The following DNAH3 variants were observed in gnomAD, a reference collection of about 807,000 sequenced individuals.
DNAH3 encodes the protein dynein axonemal heavy chain 3.
DNAH3 carries 332 observed loss-of-function variants against 432.5 expected under a neutral mutation model. The ratio of observed to expected loss-of-function variants is 0.77; its 90% confidence interval spans 0.70 to 0.84. The LOEUF (loss-of-function observed/expected upper bound fraction) is 0.84, where lower values mean the gene tolerates loss of function less well. Among genes scored for constraint, DNAH3 ranks in the 40% least tolerant of loss-of-function variants. The pLI, the probability that DNAH3 is intolerant of heterozygous loss-of-function variation, is 0.00. For missense variants in DNAH3, 4,861 were observed against 5,114.0 expected (o/e 0.95, Z 1.51); for synonymous variants, 1,956 against 1,900.2 (o/e 1.03, Z -0.76).
intron 59 of DNAH3, among the ~76,000 whole-genome samples, chr16:20,940,647 G>A (rs1197816642): frequency 2.7e-5 from 4 of 150,468 alleles, no homozygotes; most frequent in African/African-American, 9.8e-5. Context: ...GCCCAGGCTG[G>A]TCTTGGACTC....
At position 21,064,860 on chromosome 16, in the gene DNAH3, GGTGTGTGTGTGTGTGTGTGTGTGT is replaced by G. The variant is rs369066790; in HGVS notation, c.3519-2201_3519-2178del. Among the ~76,000 whole-genome samples, 18 of 131,780 alleles carry G rather than the reference GGTGTGTGTGTGTGTGTGTGTGTGT, an allele frequency of 1.4e-4. No individual in the cohort carries two copies. The South Asian group carries it at 4.3e-3, about 31-fold the overall frequency. 86.5% of individuals were successfully genotyped at this position (131,780 alleles called of 152,430 possible). On this transcript the variant is annotated intron_variant, in intron 24 of 61. Coordinates refer to ENST00000261383, the Ensembl canonical transcript of DNAH3. ...ATAAAAATGCATAAATATTGAGGTAGGTGTGTGTGTGTGTGTGTGTGTGTGTGTGTGTGTGTGTGTGTTTAACTT... is the reference window on the plus strand; with the variant it reads ...ATAAAAATGCATAAATATTGAGGTAGGTGTGTGTGTGTGTGTGTTTAACTT...
rs71149201 is a variant in DNAH3, at chr16:20,949,368, C to CAA, written c.11189-733_11189-732dup. Among the ~76,000 whole-genome samples, 572 of 143,614 alleles carry CAA rather than the reference C, an allele frequency of 4.0e-3. 6 individuals carry two copies. Among genetic ancestry groups the CAA allele is most frequent in the African/African-American group, 0.014 (536 of 38,854 alleles). The allele number at this position is 143,614 out of a possible 152,430, so 94.2% of individuals were successfully genotyped here. On this transcript the variant is annotated intron_variant, in intron 56 of 61. Transcript: ENST00000261383. ...AAATAAATATAAATAAAAACAGAAA[C>CAA]AAAAAAAAAGACATTTAAAGAGCGA...
At chr16:21,059,281 T>G (rs901813628) in intron 26 of DNAH3, among the ~76,000 whole-genome samples, 2 of 152,228 alleles carry the variant, frequency 1.3e-5, no homozygotes, top group Non-Finnish European at 2.9e-5. Flanking sequence ...TAGATTTGAT[T>G]TGGATGAAAT....
chr16:20,978,247 T>C (rs557103582), intron 50 of DNAH3, among the ~76,000 whole-genome samples: 1 of 152,224 alleles, frequency 6.6e-6, no homozygotes, highest in African/African-American at 2.4e-5. Flanking sequence ...AGGGACAAGG[T>C]GGCCGGGCGG....
At chr16:21,057,940 TGTCCTCATGG>T in intron 27 of DNAH3, 136 bp downstream of exon 27, 1 of 636,530 alleles carries the variant, frequency 1.6e-6, no homozygotes, top group Non-Finnish European at 2.8e-6. Flanking sequence ...TCCATCCCAC[TGTCCTCATGG>T]GAACCCTGAT....
At chr16:21,121,806 G>T (rs1009833705) in intron 10 of DNAH3, 139 bp downstream of exon 11, 5 of 594,978 alleles carry the variant, frequency 8.4e-6, no homozygotes, top group African/African-American at 1.9e-5. Context: ...GGGTCAAGGG[G>T]TTATATTCAG....
chr16:21,135,731 G>GA (rs1020117463), intron 6 of DNAH3, among the ~76,000 whole-genome samples: 37 of 144,628 alleles, frequency 2.6e-4, no homozygotes, highest in Non-Finnish European at 9.2e-5. Flanking sequence ...TCTCAAAAAA[G>GA]AAAAAAAAAA....
At chr16:20,953,847 C>T (rs537997029) in intron 55 of DNAH3, among the ~76,000 whole-genome samples, 16 of 150,602 alleles carry the variant, frequency 1.1e-4, no homozygotes, top group East Asian at 4.0e-4. Context: ...TCGCCTCAAG[C>T]GATCCTCCCA....
chr16:21,083,169 C>A (rs535700891), intron 19 of DNAH3, among the ~76,000 whole-genome samples: 1 of 152,068 alleles, frequency 6.6e-6, no homozygotes, highest in South Asian at 2.1e-4. Context: ...GCGCATGGCA[C>A]CACGCCCGGC....
At chr16:21,046,040 T>C (rs1448687114) in intron 31 of DNAH3, among the ~76,000 whole-genome samples, 6 of 151,942 alleles carry the variant, frequency 3.9e-5, no homozygotes, top group Non-Finnish European at 8.8e-5. Context: ...GTCTGAGAGA[T>C]AGTTTGTTAT....
intron 53 of DNAH3, among the ~76,000 whole-genome samples, chr16:20,961,757 GTTTTTTT>G (rs753578799): frequency 3.2e-5 from 4 of 123,382 alleles, no homozygotes; most frequent in Non-Finnish European, 5.1e-5. Context: ...TAAATTTCTG[GTTTTTTT>G]TTTTTTTTTT....
rs141230118 is a variant in DNAH3 at position 20,957,918 on chromosome 16, A to G, written c.10826+1261T>C. Among the ~76,000 whole-genome samples the G allele has an allele frequency of 2.1e-4, 31 of 148,920 alleles. 2 individuals are homozygous for G. The East Asian group carries it at 6.4e-3, about 31-fold the overall frequency. On this transcript the variant is annotated intron_variant, in intron 54 of 61. Transcript: ENST00000261383. Reference sequence around the variant, plus strand: ...TTTGGTTCAACTCATTATTTTATGAATGCAAAAACTGAGGTTTAGCTTTGT... The same window carrying G: ...TTTGGTTCAACTCATTATTTTATGAGTGCAAAAACTGAGGTTTAGCTTTGT...
intron 1 of DNAH3, among the ~76,000 whole-genome samples, chr16:21,153,631 C>G (rs993707054): frequency 6.6e-6 from 1 of 152,196 alleles, no homozygotes; most frequent in African/African-American, 2.4e-5. Flanking sequence ...AGCTGTAACA[C>G]TCACGGTGAA....
chr16:21,151,433 G>A (rs1046064419), intron 1 of DNAH3, among the ~76,000 whole-genome samples: 4 of 150,188 alleles, frequency 2.7e-5, no homozygotes, highest in African/African-American at 4.9e-5. Flanking sequence ...CCATTCTCCT[G>A]CCTCAGCCTC....
At chr16:20,967,777 G>T (rs967836896) in intron 52 of DNAH3, among the ~76,000 whole-genome samples, 2 of 151,712 alleles carry the variant, frequency 1.3e-5, no homozygotes, top group African/African-American at 4.8e-5. Context: ...CAAAGTGCTG[G>T]GATTACAGGA....
At chr16:21,093,950 C>CA (rs1186831411) in intron 18 of DNAH3, among the ~76,000 whole-genome samples, 1 of 151,870 alleles carries the variant, frequency 6.6e-6, no homozygotes, top group East Asian at 1.9e-4. Context: ...CATAAAACCA[C>CA]AAAAAATCTA....
intron 28 of DNAH3, among the ~76,000 whole-genome samples, chr16:21,052,941 T>C (rs928624427): frequency 2.0e-5 from 3 of 152,204 alleles, no homozygotes; most frequent in Non-Finnish European, 4.4e-5. Flanking sequence ...GGGAGATACA[T>C]TTCTAGCTCT....
At chr16:21,055,425 A>G (rs2090098668) in intron 27 of DNAH3, among the ~76,000 whole-genome samples, 1 of 152,198 alleles carries the variant, frequency 6.6e-6, no homozygotes. Context: ...GTAGAGAATA[A>G]AATCGTATCA....
intron 41 of DNAH3, among the ~76,000 whole-genome samples, chr16:21,016,815 TA>T (rs1439494457): frequency 6.6e-6 from 1 of 152,320 alleles, no homozygotes; most frequent in African/African-American, 2.4e-5. Context: ...AAATGGAATA[TA>T]TTCAGCCTTA....
Sources: allele counts gnomAD v4.1 joint callset (sites outside exome capture counted in the v4.1 genomes callset), GRCh38; gene constraint gnomAD v4.1.1; transcripts MANE v1.5; gene names NCBI Gene and HGNC (gene_info 2026-07-23, HGNC 2026-07-21).